Variants in ZSWIM5 observed in about 807,000 individuals in gnomAD.
The protein encoded by ZSWIM5 is zinc finger SWIM domain-containing protein 5.
ZSWIM5 carries 55 observed loss-of-function variants against 119.6 expected under a neutral mutation model. The ratio of observed to expected loss-of-function variants is 0.46; its 90% CI spans 0.37 to 0.58. ZSWIM5 has a LOEUF of 0.58. Among genes scored for constraint, ZSWIM5 ranks in the 20% least tolerant of loss-of-function variants. The probability of loss-of-function intolerance (pLI) is 0.00; values close to 1 mark genes in which losing one functional copy is unlikely to be tolerated. For missense variants in ZSWIM5, 1,193 were observed against 1,512.8 expected (o/e 0.79, Z 3.51); for synonymous variants, 537 against 606.9 (o/e 0.88, Z 1.69).
intron 1 of ZSWIM5, among the ~76,000 whole-genome samples, chr1:45,138,876 G>A (rs1307318826): frequency 1.3e-5 from 2 of 150,632 alleles, no homozygotes; most frequent in Non-Finnish European, 1.5e-5. Context: ...TAGAAATTTC[G>A]TTTTTCTTTT....
Position 45,044,786 on chromosome 1 carries a change from T to A in ZSWIM5, c.1433-1391A>T, listed in dbSNP as rs1191539412. ...ATATATATATATATAAATATATATA[T>A]ATAAATATATATATATAAATATATA... On this transcript the variant is annotated intron_variant, in intron 5 of 13. Transcript: ENST00000359600. Among the ~76,000 whole-genome samples, 12 of 2,764 alleles carry A rather than the reference T, an allele frequency of 4.3e-3. 1 individual carries two copies. Among genetic ancestry groups the A allele is most frequent in the African/African-American group, 0.012 (11 of 940 alleles). The allele number at this position is 2,764 out of a possible 152,430, so 1.8% of individuals were successfully genotyped here.
At chr1:45,138,256 C>G (rs141864000) in intron 1 of ZSWIM5, among the ~76,000 whole-genome samples, 1,616 of 151,972 alleles carry the variant, frequency 0.011, 28 homozygotes, top group African/African-American at 0.037. Flanking sequence ...GTAATCCCAG[C>G]ACTTTGGGAG....
At chr1:45,041,551 T>TTA (rs1645018394) in intron 6 of ZSWIM5, among the ~76,000 whole-genome samples, 1 of 151,718 alleles carries the variant, frequency 6.6e-6, no homozygotes, top group Admixed American at 6.6e-5. Context: ...CTTTTTTTTT[T>TTA]TTTTAGATGG....
chr1:45,096,554 G>GCACACA (rs371529571), intron 1 of ZSWIM5, among the ~76,000 whole-genome samples: 2 of 135,308 alleles, frequency 1.5e-5, no homozygotes, highest in African/African-American at 5.9e-5. Flanking sequence ...ACACACACAC[G>GCACACA]CACACACACA....
At chr1:45,101,527 G>C (rs1645439570) in intron 1 of ZSWIM5, among the ~76,000 whole-genome samples, 1 of 152,098 alleles carries the variant, frequency 6.6e-6, no homozygotes, top group South Asian at 2.1e-4. Context: ...TTGACCCAGA[G>C]ATTCCACTAC....
chr1:45,150,203 GAAAA>G (rs1645788586), intron 1 of ZSWIM5, among the ~76,000 whole-genome samples: 1 of 136,612 alleles, frequency 7.3e-6, no homozygotes, highest in African/African-American at 2.7e-5. Flanking sequence ...AAAAAGAAAA[GAAAA>G]AAAGAAGATA....
At chr1:45,133,032 G>C (rs1346164913) in intron 1 of ZSWIM5, among the ~76,000 whole-genome samples, 2 of 152,260 alleles carry the variant, frequency 1.3e-5, no homozygotes, top group East Asian at 1.9e-4. Context: ...ATTTGGGTTG[G>C]TTCCAAGTCT....
chr1:45,109,169 A>T (rs1239211632), intron 1 of ZSWIM5, among the ~76,000 whole-genome samples: 1 of 152,164 alleles, frequency 6.6e-6, no homozygotes, highest in Non-Finnish European at 1.5e-5. Context: ...GAGCAAAACC[A>T]TTTTTCCACA....
chr1:45,138,214 AAAAG>A (rs1246946100), intron 1 of ZSWIM5, among the ~76,000 whole-genome samples: 3 of 152,056 alleles, frequency 2.0e-5, no homozygotes, highest in Non-Finnish European at 4.4e-5. Flanking sequence ...TTTAAAAATG[AAAAG>A]AAAGGCTGGG....
chr1:45,034,078 C>G (rs186284541), intron 11 of ZSWIM5, among the ~76,000 whole-genome samples: 1 of 152,344 alleles, frequency 6.6e-6, no homozygotes, highest in Non-Finnish European at 1.5e-5. Context: ...TGGTCTCGAT[C>G]TCTTGACCTC....
At chr1:45,120,644 C>CT (rs376868791) in intron 1 of ZSWIM5, among the ~76,000 whole-genome samples, 163 of 145,002 alleles carry the variant, frequency 1.1e-3, no homozygotes, top group East Asian at 5.8e-3. Flanking sequence ...GTTTTTCTTT[C>CT]TTTTTTTTTT....
chr1:45,040,620 T>TCAATA (rs1645013328), intron 6 of ZSWIM5, 82 bp from the exon 7 acceptor site: 6 of 1,268,032 alleles, frequency 4.7e-6, no homozygotes, highest in Non-Finnish European at 5.4e-6. Flanking sequence ...GAGTTTGTAT[T>TCAATA]CAGTCCAGTT....
chr1:45,135,709 CTT>C (rs1645685158), intron 1 of ZSWIM5, among the ~76,000 whole-genome samples: 1 of 151,946 alleles, frequency 6.6e-6, no homozygotes, highest in Non-Finnish European at 1.5e-5. Flanking sequence ...CATTTTTTTT[CTT>C]TGACTTTTAA....
intron 1 of ZSWIM5, among the ~76,000 whole-genome samples, chr1:45,167,293 C>T (rs1645912064): frequency 1.3e-5 from 2 of 151,600 alleles, no homozygotes; most frequent in South Asian, 2.1e-4. Context: ...AAACTGGATC[C>T]CTTCCTTACA....
chr1:45,092,906 C>T (rs545837759), intron 1 of ZSWIM5, among the ~76,000 whole-genome samples: 6 of 152,362 alleles, frequency 3.9e-5, no homozygotes, highest in African/African-American at 1.4e-4. Flanking sequence ...TCTCAGCTGC[C>T]CATATCACAT....
chr1:45,047,594 A>AAAT (rs1645063847), intron 5 of ZSWIM5, among the ~76,000 whole-genome samples: 2 of 152,160 alleles, frequency 1.3e-5, no homozygotes, highest in African/African-American at 4.8e-5. Flanking sequence ...GAGAGAGAGG[A>AAAT]AATAATTTCT....
chr1:45,114,169 G>A (rs921699291), intron 1 of ZSWIM5, among the ~76,000 whole-genome samples: 3 of 152,174 alleles, frequency 2.0e-5, no homozygotes, highest in Non-Finnish European at 4.4e-5. Context: ...CTTCATGGAA[G>A]AAATCAACCT....
At chr1:45,149,871 G>A (rs1030353246) in intron 1 of ZSWIM5, among the ~76,000 whole-genome samples, 1 of 151,858 alleles carries the variant, frequency 6.6e-6, no homozygotes. Context: ...ATATAAAAGG[G>A]ACAAGAAGGA....
At chr1:45,062,756 C>T (rs1378217452) in intron 2 of ZSWIM5, among the ~76,000 whole-genome samples, 1 of 152,166 alleles carries the variant, frequency 6.6e-6, no homozygotes, top group Non-Finnish European at 1.5e-5. Flanking sequence ...ATCCTCCCAC[C>T]TCAGCCTCCC....
Sources: gnomAD v4.1 joint callset for allele counts (sites outside exome capture counted in the v4.1 genomes callset) on GRCh38, gnomAD v4.1.1 for gene constraint, MANE v1.5 for transcripts, NCBI Gene and HGNC (gene_info 2026-07-23, HGNC 2026-07-21) for gene names.